CERKL: variants seen among roughly 807,000 people sequenced by gnomAD.
The protein encoded by CERKL is ceramide kinase-like protein.
Under a neutral mutation model 63.4 loss-of-function variants are expected in CERKL, and 61 were observed. The observed-to-expected ratio is 0.96, with a 90% CI of 0.78 to 1.19. The LOEUF is 1.19. CERKL is among the 50% of genes most tolerant of loss of function. The pLI is 0.00. For synonymous variants in CERKL, 250 were observed against 230.5 expected (o/e 1.08, Z -0.77); for missense variants, 675 against 655.5 (o/e 1.03, Z -0.33).
At chr2:181,630,964 C>T (rs1049961839) in intron 1 of CERKL, among the ~76,000 whole-genome samples, 13 of 152,204 alleles carry the variant, frequency 8.5e-5, no homozygotes, top group East Asian at 1.9e-4. Flanking sequence ...GAATATTTAA[C>T]GCCAATGAGT....
In CERKL at chr2:181,579,444, T is replaced by C. The variant is rs1032555123; in HGVS notation, c.482-5560A>G. 1.3e-5 allele frequency among the ~76,000 whole-genome samples: 2 copies of C among 151,990 alleles called. 1 individual carries two copies. Among genetic ancestry groups the C allele is most frequent in the African/African-American group, 4.8e-5 (2 of 41,284 alleles). ...AGTTATTTTTTCCATGAACTTTCTA[T>C]GTATGTCACTTGCCAATTCTTCATA... On this transcript the variant is annotated intron_variant, in intron 2 of 12. Transcript: ENST00000410087.
At chr2:181,594,571 C>T (rs1376952666) in intron 2 of CERKL, among the ~76,000 whole-genome samples, 1 of 152,204 alleles carries the variant, frequency 6.6e-6, no homozygotes, top group East Asian at 1.9e-4. Flanking sequence ...GGCCCAGGAA[C>T]CTGACCACAC....
Position 181,548,780 on chromosome 2 carries a change from C to T in CERKL, c.973G>A (p.Gly325Ser). The change falls in exon 7 of 13, where the codon GGC (glycine) becomes AGC (serine). Residue 325 changes from glycine to serine, a missense_variant. Coordinates refer to ENST00000410087, the MANE Select transcript of CERKL (RefSeq NM_201548.5). ...AGAGCCAAAGTTCTTCCACCAAAGC[C>T]AAACATGGCTGAGAACCCAAAGCGA... ...LLRFGFSAMF[G>S]FGGRTLALAE... 6.2e-7 allele frequency: 1 copy of T among 1,614,050 alleles called. No individual in the cohort carries two copies. The highest frequency in any genetic ancestry group is 8.5e-7 in the Non-Finnish European group (1 of 1,179,970).
At chr2:181,543,501 T>C (rs1687595638) in intron 11 of CERKL, among the ~76,000 whole-genome samples, 1 of 152,186 alleles carries the variant, frequency 6.6e-6, no homozygotes, top group Admixed American at 6.5e-5. Context: ...GATCAAATAA[T>C]GTTACTGACA....
chr2:181,655,738 G>A (rs1281820142), intron 1 of CERKL, among the ~76,000 whole-genome samples: 1 of 152,180 alleles, frequency 6.6e-6, no homozygotes, highest in East Asian at 1.9e-4. Flanking sequence ...AACAGGGGAA[G>A]GCAATTTTTT....
At chr2:181,645,668 T>C (rs2105525247) in intron 1 of CERKL, among the ~76,000 whole-genome samples, 1 of 152,356 alleles carries the variant, frequency 6.6e-6, no homozygotes, top group East Asian at 1.9e-4. Context: ...TGAATCCAGG[T>C]TCAGGCACCT....
At chr2:181,647,051 C>A (rs908966317) in intron 1 of CERKL, among the ~76,000 whole-genome samples, 2 of 152,058 alleles carry the variant, frequency 1.3e-5, no homozygotes, top group African/African-American at 4.8e-5. Context: ...AGTGAAAGAG[C>A]TGGTAGAGAA....
At chr2:181,629,353 G>T (rs538419062) in intron 1 of CERKL, among the ~76,000 whole-genome samples, 2 of 152,240 alleles carry the variant, frequency 1.3e-5, no homozygotes, top group Admixed American at 1.3e-4. Flanking sequence ...TTTAAATGTA[G>T]GTCAGTATTC....
At chr2:181,566,652 A>G (rs1006403992) in intron 3 of CERKL, among the ~76,000 whole-genome samples, 2 of 152,190 alleles carry the variant, frequency 1.3e-5, no homozygotes, top group African/African-American at 2.4e-5. Context: ...ACCAATTATA[A>G]GAGACCCAGA....
In CERKL at chr2:181,558,438, G is replaced by T; in HGVS notation, c.820+128C>A. Reference sequence around the variant, plus strand: ...TGTCAAAAGTCTCACATTTGCTAGTGGGGATGCCAGAAGTCTGGATCTTTC... The same window carrying T: ...TGTCAAAAGTCTCACATTTGCTAGTTGGGATGCCAGAAGTCTGGATCTTTC... On this transcript the variant is annotated intron_variant, in intron 5 of 12. Coordinates refer to ENST00000410087, the MANE Select transcript of CERKL (RefSeq NM_201548.5). This position sits in a 1 kb window ranked among gnomAD's most constrained non-coding sequence, Gnocchi z 4.2. 1.0e-6 allele frequency: 1 copy of T among 976,610 alleles called. No individual in the cohort carries two copies. The highest frequency in any genetic ancestry group is 1.6e-6 in the Non-Finnish European group (1 of 618,280). The allele number at this position is 976,610 out of a possible 1,614,324, so 60.5% of individuals were successfully genotyped here. A position where few individuals can be genotyped will look rare whatever the true frequency, so the allele number is the denominator to read the frequency against.
At chr2:181,603,184 A>G (rs1007867851) in intron 2 of CERKL, 18 of 210,818 alleles carry the variant, frequency 8.5e-5, no homozygotes, top group African/African-American at 3.3e-4. Flanking sequence ...AGATTATTCA[A>G]AAAAATCTTA....
At chr2:181,606,556 G>T (rs1219126121) in intron 1 of CERKL, among the ~76,000 whole-genome samples, 1 of 90,616 alleles carries the variant, frequency 1.1e-5, no homozygotes, top group African/African-American at 4.0e-5. Flanking sequence ...GAGGGGGGAG[G>T]AGAGGGTAGG....
Position 181,537,703 on chromosome 2 carries a change from T to C in CERKL, c.*481A>G, listed in dbSNP as rs1329908612. 3 of 425,252 alleles carry C rather than the reference T, an allele frequency of 7.1e-6. No individual in the cohort carries two copies. The highest frequency in any genetic ancestry group is 2.1e-5 in the African/African-American group (1 of 47,386). 26.3% of individuals were successfully genotyped at this position (425,252 alleles called of 1,614,324 possible). On this transcript the variant is annotated 3_prime_UTR_variant, in exon 13 of 13. Coordinates refer to ENST00000410087, the MANE Select transcript of CERKL (RefSeq NM_201548.5). ...GTTAAATATTGATGTATTATGATGG[T>C]TGCAAAGTTTTTTTGTGTGTCCAAT... is the stretch of plus-strand genomic sequence containing the variant.
chr2:181,565,083 A>G (rs1048812069), intron 4 of CERKL, among the ~76,000 whole-genome samples: 5 of 152,162 alleles, frequency 3.3e-5, no homozygotes, highest in African/African-American at 1.2e-4. Flanking sequence ...AAATAAATAA[A>G]TAAATAAGCA....
At chr2:181,569,545 A>C (rs939492979) in intron 3 of CERKL, among the ~76,000 whole-genome samples, 1 of 152,180 alleles carries the variant, frequency 6.6e-6, no homozygotes, top group Admixed American at 6.6e-5. Context: ...AAATGATAAC[A>C]AACACCACTT....
intron 9 of CERKL, 47 bp downstream of exon 9, chr2:181,547,775 G>A (rs2105801778): frequency 1.2e-6 from 2 of 1,613,764 alleles, no homozygotes; most frequent in Non-Finnish European, 1.7e-6. Context: ...AGAACAAAAT[G>A]TCAACAGAAC....
chr2:181,537,947 C>T lies in CERKL; in HGVS notation c.*237G>A, dbSNP rs758328553. The stretch of plus-strand genomic sequence containing the variant: ...GCAGCATTAGATTCTCATAGAAGTG[C>T]GAACCATATGGTGAACTGGTATGTG... On this transcript the variant is annotated 3_prime_UTR_variant, in exon 13 of 13. Coordinates refer to ENST00000410087, the MANE Select transcript of CERKL (RefSeq NM_201548.5). 2.6e-5 allele frequency: 16 copies of T among 621,676 alleles called. No homozygotes were observed. Among genetic ancestry groups the T allele is most frequent in the Admixed American group, 1.5e-4 (7 of 47,380 alleles). The allele number at this position is 621,676 out of a possible 1,614,324, so 38.5% of individuals were successfully genotyped here.
intron 1 of CERKL, among the ~76,000 whole-genome samples, chr2:181,638,078 G>A (rs1030197548): frequency 7.2e-5 from 11 of 152,144 alleles, no homozygotes; most frequent in Admixed American, 5.9e-4. Context: ...GGAGAAAAGA[G>A]ACAATGTGAA....
At chr2:181,556,902 C>T (rs569001863) in intron 5 of CERKL, among the ~76,000 whole-genome samples, 28 of 152,224 alleles carry the variant, frequency 1.8e-4, no homozygotes, top group African/African-American at 6.7e-4. Context: ...CTCTCCAGCA[C>T]CTGTTGTTTC....
Sources: gnomAD v4.1 joint callset for allele counts (sites outside exome capture counted in the v4.1 genomes callset) on GRCh38, gnomAD v4.1.1 for gene constraint, Gnocchi (gnomAD v3.1) non-coding constraint, MANE v1.5 for transcripts, NCBI Gene and HGNC (gene_info 2026-07-23, HGNC 2026-07-21) for gene names.